GLRB: variants seen among roughly 807,000 people sequenced by gnomAD.
The protein encoded by GLRB is glycine receptor subunit beta.
A neutral mutation model predicts 54.2 loss-of-function variants in GLRB; 33 were observed. The ratio of observed to expected loss-of-function variants is 0.61; its 90% CI spans 0.46 to 0.81. The LOEUF (loss-of-function observed/expected upper bound fraction) is 0.81, where lower values mean the gene tolerates loss of function less well. GLRB is among the 40% of genes least tolerant of loss of function. The pLI is 0.00. For missense variants in GLRB, 572 were observed against 584.6 expected (o/e 0.98, Z 0.22); for synonymous variants, 209 against 208.2 (o/e 1.00, Z -0.03).
At chr4:157,082,752 G>A (rs993471735) in intron 2 of GLRB, among the ~76,000 whole-genome samples, 1 of 152,026 alleles carries the variant, frequency 6.6e-6, no homozygotes, top group African/African-American at 2.4e-5. Context: ...GAGGCTCTGT[G>A]ATATTCAGAT....
chr4:157,108,580 G>C (rs1735305986), intron 2 of GLRB, among the ~76,000 whole-genome samples: 1 of 152,082 alleles, frequency 6.6e-6, no homozygotes, highest in South Asian at 2.1e-4. Flanking sequence ...GATAAAACTT[G>C]AACAGAAGAT....
At chr4:157,143,683 TGAGG>T in intron 7 of GLRB, 120 bp from the exon 8 acceptor site, 1 of 938,126 alleles carries the variant, frequency 1.1e-6, no homozygotes, top group Admixed American at 2.2e-5. Context: ...AACTTTTTTT[TGAGG>T]CATTTCCTCT....
At chr4:157,137,383 A>C (rs1019680058) in intron 6 of GLRB, among the ~76,000 whole-genome samples, 2 of 152,006 alleles carry the variant, frequency 1.3e-5, no homozygotes, top group Non-Finnish European at 2.9e-5. Context: ...ATTAAAAGGT[A>C]CCCTAGGTGT....
chr4:157,097,091 A>G (rs1477007312), intron 2 of GLRB, among the ~76,000 whole-genome samples: 1 of 152,210 alleles, frequency 6.6e-6, no homozygotes, highest in African/African-American at 2.4e-5. Flanking sequence ...TAGAGTAATG[A>G]TTTGGAAAAT....
intron 2 of GLRB, among the ~76,000 whole-genome samples, chr4:157,088,834 G>A (rs1190245860): frequency 6.6e-6 from 1 of 151,822 alleles, no homozygotes; most frequent in African/African-American, 2.4e-5. Context: ...ATATTAAAGG[G>A]TCACCCACCT....
intron 2 of GLRB, among the ~76,000 whole-genome samples, chr4:157,105,038 C>A (rs115357336): frequency 0.02 from 2,984 of 150,932 alleles, 76 homozygotes; most frequent in African/African-American, 0.066. Flanking sequence ...ACTATTATTT[C>A]TTTTCCTGTT....
chr4:157,138,946 A>T lies in GLRB; in HGVS notation c.748A>T (p.Thr250Ser), dbSNP rs1489437642. 7.2e-7 allele frequency: 1 copy of T among 1,382,530 alleles called. No individual in the cohort carries two copies. Among genetic ancestry groups the T allele is most frequent in the Non-Finnish European group, 1.0e-6 (1 of 970,772 alleles). The allele number at this position is 1,382,530 out of a possible 1,614,324, so 85.6% of individuals were successfully genotyped here. The change falls in exon 7 of 10, where the codon ACG becomes TCG. Residue 250 changes from threonine to serine, a missense_variant. Physicochemically the swap from Thr to Ser is moderately conservative, Grantham distance 58. Coordinates refer to ENST00000264428, the MANE Select transcript of GLRB (RefSeq NM_000824.5). The part of the protein sequence containing the change: ...YGNCTKYYKG[T>S]GYYTCVEVIF... ...TAACTGTACAAAATACTATAAAGGC[A>T]CGGGTAAGTAATATTCTTTAAATAA...
intron 9 of GLRB, among the ~76,000 whole-genome samples, chr4:157,162,530 C>T (rs951916478): frequency 3.3e-5 from 5 of 152,082 alleles, no homozygotes; most frequent in African/African-American, 4.8e-5. Context: ...TGTGTATGTC[C>T]TTTCTGTTTG....
chr4:157,147,914 A>G (rs1324792602), intron 8 of GLRB, among the ~76,000 whole-genome samples: 5 of 152,336 alleles, frequency 3.3e-5, no homozygotes, highest in African/African-American at 1.2e-4. Flanking sequence ...AAGCAGCCAT[A>G]GACAATATAT....
chr4:157,088,872 C>T (rs535394895), intron 2 of GLRB, among the ~76,000 whole-genome samples: 29 of 152,144 alleles, frequency 1.9e-4, no homozygotes, highest in African/African-American at 6.7e-4. Context: ...TTTTATATTC[C>T]TATTTTATTA....
intron 9 of GLRB, among the ~76,000 whole-genome samples, chr4:157,158,134 T>G (rs1330153498): frequency 1.3e-5 from 2 of 152,232 alleles, no homozygotes; most frequent in Non-Finnish European, 2.9e-5. Context: ...ATAAATGTCT[T>G]CTTTTAAGAA....
At chr4:157,091,674 G>A (rs1052483318) in intron 2 of GLRB, among the ~76,000 whole-genome samples, 4 of 152,258 alleles carry the variant, frequency 2.6e-5, no homozygotes, top group Admixed American at 6.5e-5. Flanking sequence ...TAGTGTCAAC[G>A]TGAGTGATGC....
chr4:157,111,334 G>T (rs542638029), intron 2 of GLRB, among the ~76,000 whole-genome samples: 1 of 151,934 alleles, frequency 6.6e-6, no homozygotes, highest in South Asian at 2.1e-4. Context: ...GTCCTCAGGG[G>T]CCTAGTGTGC....
At chr4:157,148,943 A>G (rs936541797) in intron 8 of GLRB, among the ~76,000 whole-genome samples, 7 of 152,094 alleles carry the variant, frequency 4.6e-5, no homozygotes, top group Non-Finnish European at 1.0e-4. Flanking sequence ...TTATGGAATT[A>G]CGCTGCAGGT....
chr4:157,122,605 A>G (rs1220309414), intron 4 of GLRB, among the ~76,000 whole-genome samples: 4 of 151,718 alleles, frequency 2.6e-5, no homozygotes. Context: ...TATTGCGTTA[A>G]AACTTACAGA....
rs1202800078 is a variant in GLRB at position 157,136,495 on chromosome 4, A to G, written c.324A>G (p.Arg108=). ...TMDYRVNIFL[R]QKWNDPRLKL... ...ACTATAGAGTTAACATCTTCCTGAG[A>G]CAAAAATGGAATGACCCCAGGCTGA... Residue 108 remains arginine, a synonymous_variant, in exon 5 of 10, where the codon AGA becomes AGG. Transcript: ENST00000264428. 6.2e-7 allele frequency: 1 copy of G among 1,609,446 alleles called. No individual in the cohort carries two copies. Among genetic ancestry groups the G allele is most frequent in the Non-Finnish European group, 8.5e-7 (1 of 1,175,974 alleles).
Position 157,107,589 on chromosome 4 carries a change from G to C in GLRB, c.123-12967G>C, listed in dbSNP as rs185580558. On this transcript the variant is annotated intron_variant, in intron 2 of 9. Transcript: ENST00000264428. The stretch of plus-strand genomic sequence containing the variant: ...CCTAACTCTTCTTAATTCTATGAAG[G>C]CTAAGAGAAGTAAGGAAGCTGCAGA... Among the ~76,000 whole-genome samples the C allele has an allele frequency of 5.1e-4, 78 of 152,150 alleles. 1 individual carries two copies. The Middle Eastern group carries it at 0.01, about 20-fold the overall frequency.
chr4:157,154,373 T>C (rs917220346), intron 9 of GLRB, among the ~76,000 whole-genome samples: 1 of 151,836 alleles, frequency 6.6e-6, no homozygotes, highest in South Asian at 2.1e-4. Context: ...CTATGTTTTA[T>C]TTTTCTTTGT....
intron 2 of GLRB, among the ~76,000 whole-genome samples, chr4:157,082,746 C>T (rs967355488): frequency 2.0e-5 from 3 of 151,970 alleles, no homozygotes; most frequent in African/African-American, 7.3e-5. Context: ...CACACTGAGG[C>T]TCTGTGATAT....
Sources: gnomAD v4.1 joint callset for allele counts (sites outside exome capture counted in the v4.1 genomes callset) on GRCh38, gnomAD v4.1.1 for gene constraint, MANE v1.5 for transcripts, NCBI Gene and HGNC (gene_info 2026-07-23, HGNC 2026-07-21) for gene names.